Variants in ACTA2 observed in about 807,000 individuals in gnomAD.
The protein encoded by ACTA2 is actin alpha 2, smooth muscle.
ACTA2 carries 12 observed loss-of-function variants against 39.5 expected under a neutral mutation model. The observed-to-expected ratio is 0.30, with a 90% CI of 0.19 to 0.49. The LOEUF (loss-of-function observed/expected upper bound fraction) is 0.49. Ranked by LOEUF, ACTA2 falls within the 20% of genes least tolerant of loss-of-function variation. The pLI is 0.99. For missense variants in ACTA2, 236 were observed against 498.8 expected (o/e 0.47, Z 5.02); for synonymous variants, 158 against 180.6 (o/e 0.88, Z 1.00).
At chr10:88,942,280 T>C (rs1225129841) in intron 4 of ACTA2, among the ~76,000 whole-genome samples, 1 of 152,162 alleles carries the variant, frequency 6.6e-6, no homozygotes, top group Non-Finnish European at 1.5e-5. Flanking sequence ...TCCTAGGGCT[T>C]GTTAACTATG....
At chr10:88,935,458 C>G in intron 8 of ACTA2, 92 bp from the exon 9 acceptor site, 1 of 1,450,344 alleles carries the variant, frequency 6.9e-7, no homozygotes, top group Non-Finnish European at 9.6e-7. Context: ...TCTACCATGG[C>G]CTAGTTTCTT....
chr10:88,968,099 A>G (rs1385144101), intron 1 of ACTA2, among the ~76,000 whole-genome samples: 1 of 152,154 alleles, frequency 6.6e-6, no homozygotes, highest in African/African-American at 2.4e-5. Flanking sequence ...GAAGTAAACT[A>G]TTCAATTCAG....
At chr10:88,957,261 C>A (rs1846152409), upstream of ACTA2, among the ~76,000 whole-genome samples, 1 of 152,136 alleles carries the variant, frequency 6.6e-6, no homozygotes, top group African/African-American at 2.4e-5. Context: ...TCACGAGGCA[C>A]CTTCAAGAAC....
At chr10:88,975,823 C>A (rs1351270602) in intron 1 of ACTA2, among the ~76,000 whole-genome samples, 1 of 152,120 alleles carries the variant, frequency 6.6e-6, no homozygotes, top group Non-Finnish European at 1.5e-5. Context: ...TTGAATCTGT[C>A]CTCTATGCTT....
At chr10:88,989,842 G>T (rs1416625752) in intron 1 of ACTA2, among the ~76,000 whole-genome samples, 1 of 152,206 alleles carries the variant, frequency 6.6e-6, no homozygotes, top group Non-Finnish European at 1.5e-5. Flanking sequence ...AGTGTGTCCA[G>T]TCTGGAACTG....
At chr10:88,949,649 G>A (rs553861085) in intron 1 of ACTA2, among the ~76,000 whole-genome samples, 1 of 152,242 alleles carries the variant, frequency 6.6e-6, no homozygotes, top group East Asian at 1.9e-4. Flanking sequence ...GAGCCTGATG[G>A]ATTATATATC....
intron 5 of ACTA2, 55 bp from the exon 6 acceptor site, chr10:88,941,445 G>A: frequency 1.2e-6 from 2 of 1,608,494 alleles, no homozygotes; most frequent in Non-Finnish European, 1.7e-6. Context: ...GTGGTTACTT[G>A]CTGGACAAGT....
intron 1 of ACTA2, among the ~76,000 whole-genome samples, chr10:88,989,961 G>A (rs1847068075): frequency 6.6e-6 from 1 of 152,146 alleles, no homozygotes; most frequent in South Asian, 2.1e-4. Context: ...TAGTGACTTT[G>A]AACAGTGTTC....
At chr10:88,939,232 G>A (rs890070128) in intron 7 of ACTA2, among the ~76,000 whole-genome samples, 7 of 152,146 alleles carry the variant, frequency 4.6e-5, no homozygotes, top group African/African-American at 1.7e-4. Flanking sequence ...CCTTTCCGCT[G>A]TCTCCAAAGC....
intron 7 of ACTA2, 118 bp from the exon 8 acceptor site, chr10:88,938,360 A>G: frequency 1.8e-6 from 2 of 1,134,058 alleles, no homozygotes; most frequent in East Asian, 4.7e-5. Context: ...GGAAGACATA[A>G]TAATCTAGGA....
intron 3 of ACTA2, among the ~76,000 whole-genome samples, chr10:88,944,876 G>T (rs1274822224): frequency 6.6e-6 from 1 of 152,208 alleles, no homozygotes; most frequent in Non-Finnish European, 1.5e-5. Flanking sequence ...AGGAATATGA[G>T]ATTCACTCAA....
chr10:88,990,701 G>C lies in ACTA2; in HGVS notation c.-24+238C>G. ...GTTCAAAGACGCTTCTGGGGAGTGAGGGAAGCGGTTTACGAGTGACTTGGC... is the reference window on the plus strand; with the variant it reads ...GTTCAAAGACGCTTCTGGGGAGTGACGGAAGCGGTTTACGAGTGACTTGGC... On this transcript the variant is annotated intron_variant, in intron 1 of 4. Transcript: ENST00000415557. The surrounding 1 kb of genome is among the most constrained non-coding windows in gnomAD (Gnocchi z 4.9). 1.4e-6 allele frequency: 1 copy of C among 740,558 alleles called. No homozygotes were observed. The highest frequency in any genetic ancestry group is 2.4e-6 in the Non-Finnish European group (1 of 417,122). 45.9% of individuals were successfully genotyped at this position (740,558 alleles called of 1,614,324 possible). A position where few individuals can be genotyped will look rare whatever the true frequency, so the allele number is the denominator to read the frequency against.
upstream of ACTA2, among the ~76,000 whole-genome samples, chr10:88,955,302 A>G (rs898349042): frequency 3.9e-5 from 6 of 152,220 alleles, no homozygotes; most frequent in Non-Finnish European, 7.3e-5. Context: ...GGTAAGGAAA[A>G]TGATTTTCTG....
intron 1 of ACTA2, among the ~76,000 whole-genome samples, chr10:88,978,547 A>G (rs1375400452): frequency 6.6e-6 from 1 of 152,162 alleles, no homozygotes; most frequent in Non-Finnish European, 1.5e-5. Context: ...ACCTGTTGGA[A>G]AGTGGTAAGA....
chr10:88,963,174 GGGGACACAGCCAAACCATATCA>G (rs1846265144), intron 1 of ACTA2, among the ~76,000 whole-genome samples: 1 of 151,284 alleles, frequency 6.6e-6, no homozygotes, highest in Non-Finnish European at 1.5e-5. Context: ...AGACTTGGGT[GGGGACACAGCCAAACCATATCA>G]GTAAGAAAAT....
intron 1 of ACTA2, among the ~76,000 whole-genome samples, chr10:88,952,110 C>T (rs985881095): frequency 1.3e-5 from 2 of 152,186 alleles, no homozygotes; most frequent in Non-Finnish European, 2.9e-5. Flanking sequence ...CTGCAAATGA[C>T]CAATGATGTA....
chr10:88,948,853 G>T lies in ACTA2; in HGVS notation c.78C>A (p.Asp26Glu), dbSNP rs141538225. The T allele has an allele frequency of 1.1e-5, 18 of 1,613,812 alleles. No individual in the cohort carries two copies. In the Admixed American group the frequency reaches 2.8e-4, roughly 25 times the overall value. The change falls in exon 2 of 9, where the codon GAC becomes GAA. Residue 26 changes from aspartate (D) to glutamate (E), a missense_variant. Physicochemically the swap from Asp to Glu is conservative, Grantham distance 45 (BLOSUM62 2). Coordinates refer to ENST00000224784, the MANE Select transcript of ACTA2 (RefSeq NM_001613.4). ...ATGGGAAAACAGCCCTGGGAGCATCGTCCCCAGCAAAGCCGGCCTTACAGA... is the reference window on the plus strand; with the variant it reads ...ATGGGAAAACAGCCCTGGGAGCATCTTCCCCAGCAAAGCCGGCCTTACAGA... ...SGLCKAGFAG[D>E]DAPRAVFPSI...
intron 6 of ACTA2, 91 bp from the exon 7 acceptor site, chr10:88,939,789 CAT>C (rs1391669133): frequency 3.0e-6 from 4 of 1,326,390 alleles, no homozygotes; most frequent in African/African-American, 2.9e-5. Flanking sequence ...TCCCTCAAGA[CAT>C]GTGCCATCAA....
rs1845781123 is a variant in ACTA2, at chr10:88,938,199, G to A, written c.852C>T (p.Ile284=). ...AGIHETTYNS[I]MKCDIDIRKD... ...TCCTGATGTCAATATCACACTTCAT[G>A]ATGCTGTTGTAGGTGGTTTCATGGA... Residue 284 remains isoleucine, a synonymous_variant, in exon 8 of 9, where the codon ATC becomes ATT. Coordinates refer to ENST00000224784, the MANE Select transcript of ACTA2 (RefSeq NM_001613.4). The A allele has an allele frequency of 6.2e-7, 1 of 1,613,862 alleles. No homozygotes were observed. Among genetic ancestry groups the A allele is most frequent in the South Asian group, 1.1e-5 (1 of 91,080 alleles).
Sources: allele counts gnomAD v4.1 joint callset (sites outside exome capture counted in the v4.1 genomes callset), GRCh38; gene constraint gnomAD v4.1.1; non-coding constraint Gnocchi (gnomAD v3.1); transcripts MANE v1.5; gene names NCBI Gene and HGNC (gene_info 2026-07-23, HGNC 2026-07-21).